TMEM266: variants seen among roughly 807,000 people sequenced by gnomAD.
TMEM266 encodes the protein transmembrane protein 266.
TMEM266 carries 33 observed loss-of-function variants against 50.5 expected under a neutral mutation model. That is an observed-to-expected ratio of 0.65 (90% confidence interval 0.50 to 0.87). The LOEUF is 0.87. Ranked by LOEUF, TMEM266 falls within the 40% of genes least tolerant of loss-of-function variation. The probability of loss-of-function intolerance (pLI) is 0.00; values close to 1 mark genes in which losing one functional copy is unlikely to be tolerated. For synonymous variants in TMEM266, 310 were observed against 292.3 expected, an observed-to-expected ratio of 1.06 and a Z score of -0.62; for missense variants, 655 against 695.1, an observed-to-expected ratio of 0.94 and a Z score of 0.65.
intron 4 of TMEM266, among the ~76,000 whole-genome samples, chr15:76,159,019 C>T (rs1025813330): frequency 2.1e-5 from 3 of 144,910 alleles, no homozygotes; most frequent in African/African-American, 8.2e-5. Flanking sequence ...TTCCCTTGGC[C>T]CTGGGGGGGG....
chr15:76,102,214 CT>C (rs2037011376), intron 1 of TMEM266, among the ~76,000 whole-genome samples: 1 of 152,182 alleles, frequency 6.6e-6, no homozygotes, highest in Admixed American at 6.5e-5. Flanking sequence ...TCTTGAGCAG[CT>C]TTGTTCTTGG....
At position 76,204,904 on chromosome 15, in the gene TMEM266, G is replaced by A. The variant is rs764175831; in HGVS notation, c.*589G>A. ...AGAGGTGGGTGGGAGGGTCCTAGAG[G>A]GCAGGGGAACAACCATTTTCCAACC... On this transcript the variant is annotated 3_prime_UTR_variant, in exon 11 of 11. Coordinates refer to ENST00000388942, the MANE Select transcript of TMEM266 (RefSeq NM_152335.3). 4 of 152,642 alleles carry A rather than the reference G, an allele frequency of 2.6e-5. No individual in the cohort carries two copies. Among genetic ancestry groups the A allele is most frequent in the Non-Finnish European group, 5.9e-5 (4 of 68,064 alleles). The allele number at this position is 152,642 out of a possible 1,614,324, so 9.5% of individuals were successfully genotyped here.
chr15:76,184,747 C>T (rs2038469755), intron 8 of TMEM266, among the ~76,000 whole-genome samples: 1 of 152,188 alleles, frequency 6.6e-6, no homozygotes. Flanking sequence ...TCTGACCCCT[C>T]CTGGGCTTGC....
chr15:76,146,626 T>C (rs2037761147), intron 3 of TMEM266, among the ~76,000 whole-genome samples: 1 of 152,208 alleles, frequency 6.6e-6, no homozygotes. Context: ...AGACCCAATA[T>C]AGCAAACATC....
intron 1 of TMEM266, among the ~76,000 whole-genome samples, chr15:76,067,375 G>T (rs1362263733): frequency 6.6e-6 from 1 of 152,114 alleles, no homozygotes; most frequent in Non-Finnish European, 1.5e-5. Flanking sequence ...GGGTGCGGTG[G>T]TTCACGCCTA....
At chr15:76,094,018 C>G (rs1044591256) in intron 1 of TMEM266, among the ~76,000 whole-genome samples, 3 of 151,918 alleles carry the variant, frequency 2.0e-5, no homozygotes, top group Non-Finnish European at 4.4e-5. Flanking sequence ...TATGTTAGCC[C>G]TTTGTCAGAT....
chr15:76,148,052 C>CT (rs1193808676), intron 3 of TMEM266, among the ~76,000 whole-genome samples: 1 of 152,248 alleles, frequency 6.6e-6, no homozygotes, highest in Non-Finnish European at 1.5e-5. Context: ...CCGTCCCCAC[C>CT]TGCTCACAAG....
At chr15:76,149,995 T>G (rs2037812883) in intron 3 of TMEM266, among the ~76,000 whole-genome samples, 1 of 152,226 alleles carries the variant, frequency 6.6e-6, no homozygotes, top group Admixed American at 6.5e-5. Flanking sequence ...CAAAGTCAGC[T>G]GTGACACCCA....
intron 1 of TMEM266, among the ~76,000 whole-genome samples, chr15:76,086,817 ACTC>A: frequency 6.6e-6 from 1 of 151,558 alleles, no homozygotes; most frequent in East Asian, 2.0e-4. Context: ...ACAAAGTTAT[ACTC>A]CTGTGCAAAT....
chr15:76,132,782 G>A (rs975550830), intron 1 of TMEM266, among the ~76,000 whole-genome samples: 1 of 147,990 alleles, frequency 6.8e-6, no homozygotes, highest in Non-Finnish European at 1.5e-5. Flanking sequence ...GAGATAGAGC[G>A]AGACTCTGTC....
rs141566322 is a variant in TMEM266, at chr15:76,192,123, C to T, written c.924C>T (p.Ala308=). The change falls in exon 9 of 11, where the codon GCC becomes GCT. Residue 308 remains alanine, a synonymous_variant. Transcript: ENST00000388942. ...GCACGTGGGACGAGGAGACGGCGGC[C>T]GAGAGCGTCGTGGAGGAGCTGCAGC... 1.8e-5 allele frequency: 26 copies of T among 1,411,886 alleles called. No homozygotes were observed. The East Asian group carries it at 7.4e-4, about 40-fold the overall frequency. The allele number at this position is 1,411,886 out of a possible 1,614,324, so 87.5% of individuals were successfully genotyped here. A position where few individuals can be genotyped will look rare whatever the true frequency, so the allele number is the denominator to read the frequency against.
At chr15:76,166,602 C>T (rs1443353958) in intron 5 of TMEM266, among the ~76,000 whole-genome samples, 13 of 152,214 alleles carry the variant, frequency 8.5e-5, no homozygotes, top group Non-Finnish European at 1.5e-5. Context: ...CTGTCTGCTG[C>T]CTCCTCTTCC....
rs1045138535 is a variant in TMEM266 at position 76,160,757 on chromosome 15, C to T, written c.456+589C>T. Among the ~76,000 whole-genome samples, 1 of 152,070 alleles carries T rather than the reference C, an allele frequency of 6.6e-6. No homozygotes were observed. Among genetic ancestry groups the T allele is most frequent in the Non-Finnish European group, 1.5e-5 (1 of 68,008 alleles). On this transcript the variant is annotated intron_variant, in intron 5 of 10. Transcript: ENST00000388942. This position sits in a 1 kb window ranked among gnomAD's most constrained non-coding sequence, Gnocchi z 5.7. The stretch of plus-strand genomic sequence containing the variant: ...TTCCGAGGTGGGGGCTCAGGGAGCA[C>T]GGATCGCCGTCAGCGTTGCTGGAGT...
intron 3 of TMEM266, among the ~76,000 whole-genome samples, chr15:76,143,427 G>T (rs1487028117): frequency 1.3e-5 from 2 of 152,078 alleles, no homozygotes; most frequent in Non-Finnish European, 2.9e-5. Flanking sequence ...AATCCTTATT[G>T]TCCTTTGTCC....
intron 10 of TMEM266, 63 bp downstream of exon 10, chr15:76,202,327 C>G: frequency 6.8e-7 from 1 of 1,461,602 alleles, no homozygotes; most frequent in South Asian, 1.2e-5. Context: ...AACCCAGAGA[C>G]AACTCGGCCT....
At chr15:76,100,844 T>C (rs1210233715) in intron 1 of TMEM266, among the ~76,000 whole-genome samples, 2 of 152,190 alleles carry the variant, frequency 1.3e-5, no homozygotes, top group Admixed American at 1.3e-4. Context: ...CCCCATGATT[T>C]TTATAATACA....
At chr15:76,095,080 C>G (rs1001661867) in intron 1 of TMEM266, among the ~76,000 whole-genome samples, 1 of 152,066 alleles carries the variant, frequency 6.6e-6, no homozygotes, top group Admixed American at 6.6e-5. Context: ...TTGACTTCCT[C>G]TCTTCCTATT....
At chr15:76,074,017 C>G (rs2036572823) in intron 1 of TMEM266, among the ~76,000 whole-genome samples, 1 of 151,428 alleles carries the variant, frequency 6.6e-6, no homozygotes, top group Admixed American at 6.6e-5. Context: ...TATTGCCACA[C>G]TGGGTATAAG....
chr15:76,096,983 C>T (rs1461845386), intron 1 of TMEM266, among the ~76,000 whole-genome samples: 2 of 148,610 alleles, frequency 1.3e-5, no homozygotes, highest in Non-Finnish European at 3.0e-5. Flanking sequence ...TTCCTCCATC[C>T]CTTTATTTTG....
Sources: allele counts gnomAD v4.1 joint callset (sites outside exome capture counted in the v4.1 genomes callset), GRCh38; gene constraint gnomAD v4.1.1; non-coding constraint Gnocchi (gnomAD v3.1); transcripts MANE v1.5; gene names NCBI Gene and HGNC (gene_info 2026-07-23, HGNC 2026-07-21).